RORA: variants seen among roughly 807,000 people sequenced by gnomAD.
RORA encodes RAR related orphan receptor A, also known as nuclear receptor ROR-alpha.
RORA carries 7 observed loss-of-function variants against 69.5 expected under a neutral mutation model. That is an observed-to-expected ratio of 0.10 (90% CI 0.06 to 0.19). The LOEUF is 0.19. RORA is among the 10% of genes least tolerant of loss of function. RORA has a pLI of 1.00. For synonymous variants in RORA, 261 were observed against 240.8 expected (o/e 1.08, Z -0.78); for missense variants, 457 against 663.0 (o/e 0.69, Z 3.41).
At chr15:60,508,232 A>G (rs558063085) in intron 5 of RORA, among the ~76,000 whole-genome samples, 65 of 152,300 alleles carry the variant, frequency 4.3e-4, no homozygotes, top group African/African-American at 1.4e-3. Flanking sequence ...AGCTCAGCAG[A>G]TAATCTATAG....
intron 1 of RORA, among the ~76,000 whole-genome samples, chr15:60,694,330 C>A (rs553774585): frequency 6.6e-6 from 1 of 152,260 alleles, no homozygotes; most frequent in South Asian, 2.1e-4. Flanking sequence ...TCCTCCCATG[C>A]CCACATCAAA....
rs564403590 is a variant in RORA at position 60,757,355 on chromosome 15, C to CA, written c.167-78670dup. Among the ~76,000 whole-genome samples the CA allele has an allele frequency of 9.2e-5, 14 of 152,310 alleles. No individual in the cohort carries two copies. In the South Asian group the frequency reaches 2.5e-3, roughly 27 times the overall value. On this transcript the variant is annotated intron_variant, in intron 1 of 10. Transcript: ENST00000335670. Reference sequence around the variant, plus strand: ...CTACACAGCCAGCCAACCAGCTATACACAGGTTCAGGAAAACTCCTTCCCA... The same window carrying CA: ...CTACACAGCCAGCCAACCAGCTATACAACAGGTTCAGGAAAACTCCTTCCCA...
At chr15:61,183,238 A>T (rs1206149685) in intron 1 of RORA, among the ~76,000 whole-genome samples, 1 of 152,180 alleles carries the variant, frequency 6.6e-6, no homozygotes, top group South Asian at 2.1e-4. Flanking sequence ...AGTTATTTCA[A>T]TTTTTTAAAA....
At chr15:60,902,106 T>TAA (rs1474914980) in intron 1 of RORA, among the ~76,000 whole-genome samples, 1 of 152,174 alleles carries the variant, frequency 6.6e-6, no homozygotes, top group Non-Finnish European at 1.5e-5. Context: ...TAAAGCTGAA[T>TAA]AATATGACTT....
chr15:60,525,380 CCTT>C (rs746064824), intron 3 of RORA, among the ~76,000 whole-genome samples: 20 of 152,304 alleles, frequency 1.3e-4, no homozygotes, highest in South Asian at 6.2e-4. Flanking sequence ...GTGTGGGGCT[CCTT>C]CTCAGTGAAA....
chr15:60,502,857 C>T lies in RORA; in HGVS notation c.1086G>A (p.Glu362=), dbSNP rs1324873135. The change falls in exon 8 of 11, where the codon GAG becomes GAA. Residue 362 remains glutamate (E), a synonymous_variant. Coordinates refer to ENST00000335670, the MANE Select transcript of RORA (RefSeq NM_134261.3). ...CACGGCACATTCTGATAAACACCAC[C>T]TCTAGAGAACCTAAGCAGAGGCAGA... ...QIVLLKAGSL[E]VVFIRMCRAF... is the part of the protein sequence containing the mutation. 9 of 1,611,374 alleles carry T rather than the reference C, an allele frequency of 5.6e-6. No individual in the cohort carries two copies. The highest frequency in any genetic ancestry group is 1.3e-5 in the African/African-American group (1 of 74,956).
At chr15:61,045,682 G>C (rs535287355) in intron 1 of RORA, among the ~76,000 whole-genome samples, 1 of 151,980 alleles carries the variant, frequency 6.6e-6, no homozygotes, top group East Asian at 1.9e-4. Context: ...GCAGGCCCTG[G>C]CCAGGAGTCA....
chr15:60,904,171 A>G (rs1289745687), intron 1 of RORA, among the ~76,000 whole-genome samples: 1 of 152,210 alleles, frequency 6.6e-6, no homozygotes, highest in Non-Finnish European at 1.5e-5. Flanking sequence ...TTGAACATCT[A>G]TCCTCCTTAA....
intron 1 of RORA, among the ~76,000 whole-genome samples, chr15:60,821,990 T>C (rs1452235736): frequency 6.7e-6 from 1 of 150,092 alleles, no homozygotes; most frequent in Admixed American, 6.7e-5. Context: ...AATAAAGCAA[T>C]GAGTAGCAGT....
chr15:60,732,493 G>C (rs531547126), intron 1 of RORA, among the ~76,000 whole-genome samples: 2 of 152,254 alleles, frequency 1.3e-5, no homozygotes, highest in East Asian at 3.9e-4. Flanking sequence ...GGCTTACTTG[G>C]AGTTTCAGTG....
chr15:61,074,118 A>T (rs2078411371), intron 1 of RORA, among the ~76,000 whole-genome samples: 1 of 152,210 alleles, frequency 6.6e-6, no homozygotes, highest in Non-Finnish European at 1.5e-5. Flanking sequence ...TATCATGAAG[A>T]GCAAAAAAGC....
chr15:60,595,972 C>T (rs1236348253), intron 2 of RORA, among the ~76,000 whole-genome samples: 1 of 152,310 alleles, frequency 6.6e-6, no homozygotes, highest in East Asian at 1.9e-4. Context: ...CCAAGTTGTT[C>T]CCAAAAACAC....
chr15:61,124,561 G>C (rs1387160340), intron 1 of RORA, among the ~76,000 whole-genome samples: 1 of 152,212 alleles, frequency 6.6e-6, no homozygotes, highest in Non-Finnish European at 1.5e-5. Context: ...TAACCCTTTA[G>C]TTTCCGATGT....
intron 2 of RORA, among the ~76,000 whole-genome samples, chr15:60,545,992 A>G (rs1293987029): frequency 6.6e-6 from 1 of 152,182 alleles, no homozygotes; most frequent in Non-Finnish European, 1.5e-5. Flanking sequence ...CCAACTTTTG[A>G]ACGTGGTGAT....
chr15:61,064,113 C>T, intron 1 of RORA, among the ~76,000 whole-genome samples: 1 of 152,146 alleles, frequency 6.6e-6, no homozygotes, highest in East Asian at 1.9e-4. Flanking sequence ...ATTTTATAAA[C>T]CATAATTAGA....
At chr15:60,647,755 G>A (rs929686052) in intron 2 of RORA, among the ~76,000 whole-genome samples, 1 of 152,222 alleles carries the variant, frequency 6.6e-6, no homozygotes, top group Admixed American at 6.5e-5. Flanking sequence ...GGTGTTTACT[G>A]TTGAGAGAAA....
intron 1 of RORA, among the ~76,000 whole-genome samples, chr15:61,112,175 A>C (rs113449208): frequency 2.1e-4 from 32 of 152,308 alleles, no homozygotes; most frequent in African/African-American, 7.7e-4. Flanking sequence ...TTGCCCATAT[A>C]TGTGATTGTG....
chr15:60,516,013 A>ATATATGTT, intron 3 of RORA, among the ~76,000 whole-genome samples: 1 of 18,280 alleles, frequency 5.5e-5, no homozygotes, highest in African/African-American at 1.7e-4. Context: ...ATATATATTT[A>ATATATGTT]TATATATTTA....
At chr15:60,914,172 C>T (rs1181205088) in intron 1 of RORA, among the ~76,000 whole-genome samples, 1 of 152,188 alleles carries the variant, frequency 6.6e-6, no homozygotes, top group African/African-American at 2.4e-5. Flanking sequence ...TTTACACAGT[C>T]AGGGAATGAT....
Sources: gnomAD v4.1 joint callset for allele counts (sites outside exome capture counted in the v4.1 genomes callset) on GRCh38, gnomAD v4.1.1 for gene constraint, MANE v1.5 for transcripts, NCBI Gene and HGNC (gene_info 2026-07-23, HGNC 2026-07-21) for gene names.